NBPF6: variants seen among roughly 807,000 people sequenced by gnomAD.
NBPF6 encodes NBPF member 6.
NBPF6 carries 2 observed loss-of-function variants against 20.8 expected under a neutral mutation model. The observed-to-expected ratio is 0.10, with a 90% CI of 0.04 to 0.30. NBPF6 has a LOEUF of 0.30. Ranked by LOEUF, NBPF6 falls within the 10% of genes least tolerant of loss-of-function variation. The pLI, the probability that NBPF6 is intolerant of heterozygous loss-of-function variation, is 1.00. For missense variants in NBPF6, 85 were observed against 260.3 expected (o/e 0.33, Z 4.63); for synonymous variants, 24 against 100.0 (o/e 0.24, Z 4.53).
rs1237972974 is a variant in NBPF6, at chr1:108,467,433, C to T, written c.1661-18C>T. ...CATGGATGGCAGCGGATCCCATTGGCTGTGGTTTTCTTTTCAGAGCTGGTT... is the reference window on the plus strand; with the variant it reads ...CATGGATGGCAGCGGATCCCATTGGTTGTGGTTTTCTTTTCAGAGCTGGTT... On this transcript the variant is annotated intron_variant, in intron 13 of 14. Coordinates refer to ENST00000495380, the MANE Select transcript of NBPF6 (RefSeq NM_001143988.2). The T allele has an allele frequency of 7.5e-7, 1 of 1,339,856 alleles. No individual in the cohort carries two copies. The highest frequency in any genetic ancestry group is 1.5e-5 in the African/African-American group (1 of 67,722). 83.0% of individuals were successfully genotyped at this position (1,339,856 alleles called of 1,614,324 possible).
At chr1:108,436,440 G>A in the NBPF6 span, among the ~76,000 whole-genome samples, 2 of 90,700 alleles carry the variant, frequency 2.2e-5, no homozygotes, top group Non-Finnish European at 5.2e-5. Context: ...GTGAAACCTC[G>A]TCTCTACTAA....
At chr1:108,437,737 G>T in the NBPF6 span, among the ~76,000 whole-genome samples, 1 of 38,572 alleles carries the variant, frequency 2.6e-5, no homozygotes, top group African/African-American at 8.3e-5. Context: ...TGAGACCCTG[G>T]GAAGGAAGGA....
the NBPF6 span, among the ~76,000 whole-genome samples, chr1:108,429,703 T>C: frequency 7.2e-6 from 1 of 137,936 alleles, no homozygotes; most frequent in Non-Finnish European, 1.6e-5. Context: ...TTTGTTATTA[T>C]TTCAGTTCTT....
intron 14 of NBPF6, among the ~76,000 whole-genome samples, chr1:108,468,222 A>C (rs1172565926): frequency 2.6e-5 from 4 of 150,974 alleles, no homozygotes; most frequent in African/African-American, 9.8e-5. Flanking sequence ...CCAGGGTCAC[A>C]GGTGGGAGTT....
intron 14 of NBPF6, among the ~76,000 whole-genome samples, chr1:108,468,752 GA>G: frequency 1.8e-5 from 1 of 55,768 alleles, no homozygotes; most frequent in Admixed American, 2.0e-4. Context: ...ACGGGGAAAG[GA>G]AAGAAAATGA....
At position 108,467,648 on chromosome 1, in the gene NBPF6, C is replaced by A. The variant is rs1653213562; in HGVS notation, c.1858C>A (p.His620Asn). The A allele has an allele frequency of 6.5e-7, 1 of 1,549,258 alleles. No individual in the cohort carries two copies. The highest frequency in any genetic ancestry group is 2.0e-5 in the Admixed American group (1 of 50,922). The change falls in exon 14 of 15, where the codon CAT becomes AAT. Residue 620 changes from histidine (H) to asparagine (N), a missense_variant. By Grantham distance (68) the His-to-Asn change is moderately conservative. Transcript: ENST00000495380. ...WRLAFRFAGPHAESAEIPNTA... is the reference protein window; with the variant it reads ...WRLAFRFAGPNAESAEIPNTA... ...ACTGGCATTCAGATTCGCTGGCCCG[C>A]ATGCTGAGAGTGCAGAGGTAATCAC...
chr1:108,470,562 G>C (rs1185243562), intron 14 of NBPF6, 35 bp from the exon 15 acceptor site: 1 of 1,529,662 alleles, frequency 6.5e-7, no homozygotes, highest in African/African-American at 1.4e-5. Flanking sequence ...TGACAAAAAT[G>C]CTCATTTGAT....
intron 13 of NBPF6, 76 bp from the exon 14 acceptor site, chr1:108,467,375 T>C: frequency 6.6e-7 from 1 of 1,506,666 alleles, no homozygotes; most frequent in East Asian, 2.5e-5. Flanking sequence ...TGATTTGATG[T>C]CCTCTGGGTG....
the NBPF6 span, among the ~76,000 whole-genome samples, chr1:108,438,521 C>T: frequency 1.2e-5 from 1 of 83,102 alleles, no homozygotes. Flanking sequence ...TTTTATGAGG[C>T]CAGCATTACT....
chr1:108,449,416 CTA>C (rs1165819915), upstream of NBPF6, among the ~76,000 whole-genome samples: 292 of 8,776 alleles, frequency 0.033, 10 homozygotes, highest in Non-Finnish European at 0.059. Flanking sequence ...GTTAGAACAA[CTA>C]TATATATATA....
Position 108,471,800 on chromosome 1 carries a change from A to G in NBPF6, c.*1162A>G, listed in dbSNP as rs1353920572. Among the ~76,000 whole-genome samples the G allele has an allele frequency of 1.3e-5, 2 of 152,210 alleles. No homozygotes were observed. The highest frequency in any genetic ancestry group is 2.1e-4 in the South Asian group (1 of 4,830). On this transcript the variant is annotated 3_prime_UTR_variant, in exon 15 of 15. Transcript: ENST00000495380. ...TCACTTTAATTAAATTTTTTTGCCT[A>G]TCACCCTGGACTAGTGAATTTTTCA...
the NBPF6 span, among the ~76,000 whole-genome samples, chr1:108,437,916 T>A: frequency 4.1e-5 from 2 of 48,690 alleles, no homozygotes; most frequent in Non-Finnish European, 9.1e-5. Flanking sequence ...AGACCCACAT[T>A]AAGAAAGAAG....
At chr1:108,447,953 T>C (rs1366390052), upstream of NBPF6, among the ~76,000 whole-genome samples, 1 of 146,938 alleles carries the variant, frequency 6.8e-6, no homozygotes, top group Non-Finnish European at 1.5e-5. Context: ...AAAACAGAAA[T>C]CAGAAAAAAT....
In NBPF6 at chr1:108,467,681, G is replaced by A. The variant is rs368272331; in HGVS notation, c.1875+16G>A. On this transcript the variant is annotated intron_variant, in intron 14 of 14. Transcript: ENST00000495380. ...GAGTGCAGAGGTAATCACATCTATGGCTGATAGCTGCACTCACTTCTTATT... is the reference window on the plus strand; with the variant it reads ...GAGTGCAGAGGTAATCACATCTATGACTGATAGCTGCACTCACTTCTTATT... The A allele has an allele frequency of 6.5e-7, 1 of 1,549,116 alleles. No homozygotes were observed. Among genetic ancestry groups the A allele is most frequent in the Non-Finnish European group, 8.7e-7 (1 of 1,145,192 alleles).
At chr1:108,448,351 G>A (rs1443052863), upstream of NBPF6, among the ~76,000 whole-genome samples, 1 of 148,824 alleles carries the variant, frequency 6.7e-6, no homozygotes, top group Non-Finnish European at 1.5e-5. Flanking sequence ...GTACTCAATA[G>A]AATAGTGAAT....
At chr1:108,436,597 A>AG in the NBPF6 span, among the ~76,000 whole-genome samples, 1 of 53,602 alleles carries the variant, frequency 1.9e-5, no homozygotes. Context: ...TGTCTCAAAA[A>AG]AAAAAAAAAA....
chr1:108,470,290 A>ATGT (rs1491425526), intron 14 of NBPF6, among the ~76,000 whole-genome samples: 17 of 117,518 alleles, frequency 1.4e-4, no homozygotes, highest in African/African-American at 6.0e-4. Context: ...CACTGGGAGG[A>ATGT]AAAGCCCTCA....
At position 108,465,181 on chromosome 1, in the gene NBPF6, CT is replaced by C; in HGVS notation, c.1424-4del. 1 of 905,900 alleles carries C rather than the reference CT, an allele frequency of 1.1e-6. No individual in the cohort carries two copies. The highest frequency in any genetic ancestry group is 1.6e-6 in the Non-Finnish European group (1 of 623,600). 56.1% of individuals were successfully genotyped at this position (905,900 alleles called of 1,614,324 possible). A position where few individuals can be genotyped will look rare whatever the true frequency, so the allele number is the denominator to read the frequency against. On this transcript the variant is annotated splice_region_variant and splice_polypyrimidine_tract_variant and intron_variant, in intron 12 of 14. Coordinates refer to ENST00000495380, the MANE Select transcript of NBPF6 (RefSeq NM_001143988.2). Reference sequence around the variant, plus strand: ...ATTGTTCCTACTGAAGCCCCTTCTCCTTTCAGCCCCCACCGAGGCGGCCTGT... The same window carrying C: ...ATTGTTCCTACTGAAGCCCCTTCTCCTTCAGCCCCCACCGAGGCGGCCTGT...
chr1:108,429,500 A>G, the NBPF6 span, among the ~76,000 whole-genome samples: 1 of 104,188 alleles, frequency 9.6e-6, no homozygotes, highest in African/African-American at 3.4e-5. Flanking sequence ...CTTTTGCTGC[A>G]CCCCAGAGAT....
Sources: gnomAD v4.1 joint callset for allele counts (sites outside exome capture counted in the v4.1 genomes callset) on GRCh38, gnomAD v4.1.1 for gene constraint, MANE v1.5 for transcripts, NCBI Gene and HGNC (gene_info 2026-07-23, HGNC 2026-07-21) for gene names.